UBXN7: variants seen among roughly 807,000 people sequenced by gnomAD.
UBXN7 encodes UBX domain-containing protein 7.
Under a neutral mutation model 58.0 loss-of-function variants are expected in UBXN7, and 9 were observed. The observed-to-expected ratio is 0.16, with a 90% CI of 0.09 to 0.27. UBXN7 has a LOEUF of 0.27. Ranked by LOEUF, UBXN7 falls within the 10% of genes least tolerant of loss-of-function variation. The pLI is 1.00. For synonymous variants in UBXN7, 208 were observed against 205.0 expected (o/e 1.01, Z -0.12); for missense variants, 328 against 599.6 (o/e 0.55, Z 4.73).
intron 5 of UBXN7, among the ~76,000 whole-genome samples, chr3:196,374,629 C>A (rs185571450): frequency 1.7e-3 from 257 of 150,978 alleles, no homozygotes; most frequent in African/African-American, 6.1e-3. Flanking sequence ...ACCTGCAATC[C>A]CAGCACTTTG....
intron 3 of UBXN7, among the ~76,000 whole-genome samples, chr3:196,401,228 A>G (rs1262960317): frequency 8.2e-6 from 1 of 121,902 alleles, no homozygotes; most frequent in African/African-American, 3.0e-5. Flanking sequence ...CCTGACTAAC[A>G]TGGAGAAACC....
chr3:196,357,002 G>A (rs377044083), intron 10 of UBXN7, among the ~76,000 whole-genome samples, 156 bp from the exon 11 acceptor site: 4 of 151,994 alleles, frequency 2.6e-5, no homozygotes, highest in Admixed American at 1.3e-4. Context: ...CTTGGGGAAG[G>A]GCCAATATAA....
At chr3:196,430,124 G>A (rs1444867878) in intron 1 of UBXN7, among the ~76,000 whole-genome samples, 1 of 152,062 alleles carries the variant, frequency 6.6e-6, no homozygotes, top group Non-Finnish European at 1.5e-5. Flanking sequence ...GGAGGCTGAG[G>A]TGAGTGGATC....
intron 5 of UBXN7, among the ~76,000 whole-genome samples, chr3:196,379,779 G>T (rs1729144151): frequency 6.6e-6 from 1 of 152,096 alleles, no homozygotes; most frequent in African/African-American, 2.4e-5. Flanking sequence ...CCAGAAAGAT[G>T]TTACTGGGCC....
intron 5 of UBXN7, among the ~76,000 whole-genome samples, chr3:196,384,901 T>C (rs1295166784): frequency 1.3e-5 from 2 of 152,216 alleles, no homozygotes; most frequent in African/African-American, 4.8e-5. Context: ...AAGACAAGGA[T>C]GCCCTCTCTC....
At chr3:196,432,275 C>G (rs1385078785) in intron 1 of UBXN7, 52 bp downstream of exon 1, 2 of 1,605,086 alleles carry the variant, frequency 1.2e-6, no homozygotes, top group Admixed American at 1.7e-5. Context: ...GGGGCAGACC[C>G]GCTGCCCGCT....
At chr3:196,380,023 G>T (rs1729151435) in intron 5 of UBXN7, among the ~76,000 whole-genome samples, 1 of 152,144 alleles carries the variant, frequency 6.6e-6, no homozygotes, top group Non-Finnish European at 1.5e-5. Flanking sequence ...GCCAAGGCGG[G>T]TGGATCACGA....
chr3:196,379,562 A>G (rs1729136768), intron 5 of UBXN7, among the ~76,000 whole-genome samples: 1 of 152,200 alleles, frequency 6.6e-6, no homozygotes, highest in Admixed American at 6.5e-5. Context: ...TAACTTCTTC[A>G]TGCTTAATAG....
At chr3:196,401,305 A>ATG (rs2108851525) in intron 3 of UBXN7, among the ~76,000 whole-genome samples, 1 of 123,180 alleles carries the variant, frequency 8.1e-6, no homozygotes, top group African/African-American at 3.1e-5. Context: ...ATATACACAC[A>ATG]CACACACACA....
At chr3:196,361,741 G>T in intron 10 of UBXN7, 103 bp downstream of exon 10, 1 of 957,594 alleles carries the variant, frequency 1.0e-6, no homozygotes, top group South Asian at 1.5e-5. Flanking sequence ...AATAGACTAT[G>T]GAATAATGTA....
chr3:196,360,723 T>C (rs1380661319), intron 10 of UBXN7, among the ~76,000 whole-genome samples: 1 of 152,174 alleles, frequency 6.6e-6, no homozygotes, highest in African/African-American at 2.4e-5. Context: ...CATTTCAACT[T>C]TTAAATCTTA....
At chr3:196,431,954 A>G (rs1287749050) in intron 1 of UBXN7, 1 of 425,734 alleles carries the variant, frequency 2.3e-6, no homozygotes, top group Non-Finnish European at 4.5e-6. Context: ...CTGCACAGAG[A>G]AGGGAAGATG....
At chr3:196,374,984 A>G (rs866072292) in intron 5 of UBXN7, among the ~76,000 whole-genome samples, 440 of 32,442 alleles carry the variant, frequency 0.014, 15 homozygotes, top group Non-Finnish European at 0.019. Context: ...GGAAGGAAGG[A>G]AGGGAGGGAG....
At position 196,350,956 on chromosome 3, in the gene UBXN7, C is replaced by T. The variant is rs991389363; in HGVS notation, c.*5729G>A. 1.2e-4 allele frequency: 19 copies of T among 152,160 alleles called. No homozygotes were observed. The highest frequency in any genetic ancestry group is 4.3e-4 in the African/African-American group (18 of 41,440). The allele number at this position is 152,160 out of a possible 1,614,324, so 9.4% of individuals were successfully genotyped here. ...GCCTATTCATCAAGGCTGGTATTAC[C>T]GGAAAACTGCCATGTTCACCAGAAG... On this transcript the variant is annotated 3_prime_UTR_variant, in exon 11 of 11. Transcript: ENST00000296328.
At chr3:196,415,279 G>C (rs1049042588) in intron 1 of UBXN7, among the ~76,000 whole-genome samples, 1 of 149,550 alleles carries the variant, frequency 6.7e-6, no homozygotes. Context: ...TCAGCCTCCC[G>C]AGGAGCTGGG....
intron 5 of UBXN7, among the ~76,000 whole-genome samples, chr3:196,377,710 A>C (rs1729075622): frequency 6.6e-6 from 1 of 151,804 alleles, no homozygotes; most frequent in Non-Finnish European, 1.5e-5. Flanking sequence ...TGTGTTGCTC[A>C]GGGTGGAGGG....
chr3:196,377,055 A>T (rs1488259169), intron 5 of UBXN7, among the ~76,000 whole-genome samples: 1 of 152,014 alleles, frequency 6.6e-6, no homozygotes, highest in Non-Finnish European at 1.5e-5. Context: ...CAAAAAAAAA[A>T]AAAAAAAGGA....
chr3:196,361,728 C>A, intron 10 of UBXN7, 116 bp downstream of exon 10: 1 of 877,942 alleles, frequency 1.1e-6, no homozygotes, highest in Non-Finnish European at 1.8e-6. Flanking sequence ...CTACTGCACA[C>A]TTAATAGACT....
chr3:196,418,258 G>A (rs2108622792), intron 1 of UBXN7, among the ~76,000 whole-genome samples: 1 of 147,960 alleles, frequency 6.8e-6, no homozygotes, highest in Admixed American at 6.9e-5. Flanking sequence ...AGAAAAGAAG[G>A]AAGGAGGGAG....
Sources: gnomAD v4.1 joint callset for allele counts (sites outside exome capture counted in the v4.1 genomes callset) on GRCh38, gnomAD v4.1.1 for gene constraint, MANE v1.5 for transcripts, NCBI Gene and HGNC (gene_info 2026-07-23, HGNC 2026-07-21) for gene names.